Variants in ESCO2 observed in about 807,000 individuals in gnomAD.
ESCO2 encodes establishment of sister chromatid cohesion N-acetyltransferase 2, also known as N-acetyltransferase ESCO2.
Under a neutral mutation model 61.7 loss-of-function variants are expected in ESCO2, and 51 were observed. The observed-to-expected ratio is 0.83, with a 90% CI of 0.66 to 1.04. The LOEUF is 1.04. ESCO2 is among the 50% of genes least tolerant of loss of function. The pLI, the probability that ESCO2 is intolerant of heterozygous loss-of-function variation, is 0.00. For missense variants in ESCO2, 692 were observed against 686.2 expected (o/e 1.01, Z -0.09); for synonymous variants, 230 against 238.2 (o/e 0.97, Z 0.32).
In ESCO2 at chr8:27,780,258, AAT is replaced by A. The variant is rs1407943939; in HGVS notation, c.948_949del (p.Asn316LysfsTer6). Reference protein sequence around the residue: ...AFSSEDSLGENKTISPKSTVY... With the variant: ...AFSSEDSLGEXKTISPKSTVY... ...TTCTTCAGAGGATTCTCTTGGTGAG[AAT>A]AAGACAAGTAAGAGAAAACTCGCAT... On this transcript the variant is annotated frameshift_variant, in exon 4 of 11. Transcript: ENST00000305188. LOFTEE classifies it high-confidence loss of function. The A allele has an allele frequency of 1.2e-6, 2 of 1,602,148 alleles. No individual in the cohort carries two copies. The highest frequency in any genetic ancestry group is 1.7e-6 in the Non-Finnish European group (2 of 1,169,536).
At chr8:27,799,075 G>GA (rs1195778332) in intron 9 of ESCO2, among the ~76,000 whole-genome samples, 2 of 152,070 alleles carry the variant, frequency 1.3e-5, no homozygotes, top group Non-Finnish European at 2.9e-5. Flanking sequence ...AAAACTCAGG[G>GA]AAGGATACAT....
downstream of ESCO2, among the ~76,000 whole-genome samples, chr8:27,814,397 T>C (rs1484660658): frequency 6.6e-6 from 1 of 152,188 alleles, no homozygotes; most frequent in Non-Finnish European, 1.5e-5. Context: ...ATTCCTGTTG[T>C]TGGTGACTTG....
chr8:27,788,532 C>T (rs68129977), intron 6 of ESCO2, among the ~76,000 whole-genome samples: 2 of 48,796 alleles, frequency 4.1e-5, no homozygotes, highest in Non-Finnish European at 9.2e-5. Flanking sequence ...TCTTTTTTTT[C>T]CCCCCCCAAA....
At chr8:27,785,209 T>A (rs1285853882) in intron 5 of ESCO2, among the ~76,000 whole-genome samples, 1 of 152,240 alleles carries the variant, frequency 6.6e-6, no homozygotes, top group Non-Finnish European at 1.5e-5. Flanking sequence ...GCTTGCAGCC[T>A]CACATCCTTC....
At chr8:27,788,342 G>A (rs377419218) in intron 6 of ESCO2, among the ~76,000 whole-genome samples, 5 of 151,826 alleles carry the variant, frequency 3.3e-5, no homozygotes, top group Non-Finnish European at 5.9e-5. Context: ...GGTCTTTAAG[G>A]GTTTCATTAA....
downstream of ESCO2, among the ~76,000 whole-genome samples, chr8:27,816,897 AC>A (rs1404030368): frequency 6.6e-6 from 1 of 151,938 alleles, no homozygotes; most frequent in Non-Finnish European, 1.5e-5. Flanking sequence ...AAATTAAACC[AC>A]CCCTTATTGG....
chr8:27,816,137 G>T (rs1805805819), downstream of ESCO2, among the ~76,000 whole-genome samples: 1 of 151,902 alleles, frequency 6.6e-6, no homozygotes, highest in Non-Finnish European at 1.5e-5. Context: ...GGCCACTGCT[G>T]TGTTTATAAT....
At chr8:27,808,244 C>A, downstream of ESCO2, 1 of 1,239,364 alleles carries the variant, frequency 8.1e-7, no homozygotes, top group Non-Finnish European at 1.0e-6. Context: ...TCATCTTCAA[C>A]ATTTCTCAAG....
intron 10 of ESCO2, among the ~76,000 whole-genome samples, chr8:27,802,655 A>ATT (rs1444876214): frequency 3.7e-5 from 2 of 54,132 alleles, no homozygotes; most frequent in Admixed American, 4.1e-4. Context: ...ATATATATAT[A>ATT]TTATATATAT....
downstream of ESCO2, among the ~76,000 whole-genome samples, chr8:27,813,135 G>A (rs1455212354): frequency 1.3e-5 from 2 of 152,210 alleles, no homozygotes; most frequent in Non-Finnish European, 2.9e-5. Context: ...ATACTATGCA[G>A]CCATAAAAAA....
Position 27,776,707 on chromosome 8 carries a change from CAAG to C in ESCO2, c.405_407del (p.Lys135del), listed in dbSNP as rs748251502. ...AAATGCAAGGAAAACCAGTCTGCTC[CAAG>C]AAGAACAACAAAAAACCACAGAAGA... is the stretch of plus-strand genomic sequence containing the variant. On this transcript the variant is annotated inframe_deletion, in exon 3 of 11. Coordinates refer to ENST00000305188, the MANE Select transcript of ESCO2 (RefSeq NM_001017420.3). 1.2e-6 allele frequency: 2 copies of C among 1,613,708 alleles called. No homozygotes were observed.
chr8:27,816,907 G>T (rs1805826110), downstream of ESCO2, among the ~76,000 whole-genome samples: 1 of 151,838 alleles, frequency 6.6e-6, no homozygotes, highest in South Asian at 2.1e-4. Context: ...ACCCCTTATT[G>T]GTGGACATTC....
chr8:27,815,898 A>G (rs778980176), downstream of ESCO2, among the ~76,000 whole-genome samples: 1 of 152,258 alleles, frequency 6.6e-6, no homozygotes, highest in Non-Finnish European at 1.5e-5. Context: ...TTCTGACAAC[A>G]AAAGTTTGAT....
At chr8:27,809,972 A>G (rs1648244387), downstream of ESCO2, 2 of 247,380 alleles carry the variant, frequency 8.1e-6, no homozygotes, top group Non-Finnish European at 1.5e-5. Context: ...AAAATATAGA[A>G]TATTTAAGAA....
intron 3 of ESCO2, 22 bp downstream of exon 3, chr8:27,777,191 T>C (rs751370328): frequency 6.3e-7 from 1 of 1,587,720 alleles, no homozygotes; most frequent in Non-Finnish European, 8.6e-7. Context: ...TATATCACTT[T>C]AAAAATGGCT....
chr8:27,796,206 A>G (rs931798075), intron 9 of ESCO2, among the ~76,000 whole-genome samples: 1 of 151,488 alleles, frequency 6.6e-6, no homozygotes, highest in African/African-American at 2.4e-5. Flanking sequence ...CTTATAGGTT[A>G]CCTAATTTGT....
At chr8:27,785,409 A>G (rs752838852) in intron 5 of ESCO2, among the ~76,000 whole-genome samples, 13 of 152,362 alleles carry the variant, frequency 8.5e-5, no homozygotes, top group Admixed American at 7.8e-4. Flanking sequence ...TTAGTCTAGC[A>G]TAAAGAGACA....
At chr8:27,772,407 T>C (rs1804660190), upstream of ESCO2, 6 of 1,148,836 alleles carry the variant, frequency 5.2e-6, no homozygotes, top group East Asian at 1.6e-4. Flanking sequence ...GGCACTCGCA[T>C]CCAGAAGGCA....
At chr8:27,809,831 C>CT (rs1434221277), downstream of ESCO2, 1 of 153,542 alleles carries the variant, frequency 6.5e-6, no homozygotes, top group Non-Finnish European at 1.4e-5. Flanking sequence ...CAAGGAGCTA[C>CT]TCTTTTTGAG....
Sources: allele counts gnomAD v4.1 joint callset (sites outside exome capture counted in the v4.1 genomes callset), GRCh38; gene constraint gnomAD v4.1.1; transcripts MANE v1.5; gene names NCBI Gene and HGNC (gene_info 2026-07-23, HGNC 2026-07-21).